GXYLT1: variants seen among roughly 807,000 people sequenced by gnomAD.
GXYLT1 encodes the protein glycosyltransferase 8 domain containing 3.
GXYLT1 carries 29 observed loss-of-function variants against 54.0 expected under a neutral mutation model. The observed-to-expected ratio is 0.54, with a 90% CI of 0.40 to 0.73. The LOEUF (loss-of-function observed/expected upper bound fraction) is 0.73. GXYLT1 is among the 30% of genes least tolerant of loss of function. The pLI is 0.00. For missense variants in GXYLT1, 490 were observed against 553.4 expected (o/e 0.89, Z 1.15); for synonymous variants, 176 against 204.1 (o/e 0.86, Z 1.17).
chr12:42,092,945 T>C (rs1163687145), intron 7 of GXYLT1, among the ~76,000 whole-genome samples: 2 of 152,210 alleles, frequency 1.3e-5, no homozygotes, highest in African/African-American at 2.4e-5. Flanking sequence ...CATCCTGGGC[T>C]GCATGCGGCC....
intron 1 of GXYLT1, among the ~76,000 whole-genome samples, chr12:42,131,789 C>T (rs1350970737): frequency 6.6e-6 from 1 of 152,180 alleles, no homozygotes; most frequent in East Asian, 1.9e-4. Flanking sequence ...ATGGTAATAA[C>T]AACTAACAGA....
At chr12:42,110,537 T>C (rs1217506943) in intron 3 of GXYLT1, among the ~76,000 whole-genome samples, 1 of 152,208 alleles carries the variant, frequency 6.6e-6, no homozygotes, top group Admixed American at 6.5e-5. Context: ...TTGGTGTCTC[T>C]GATTATTTTA....
chr12:42,143,032 C>T (rs1406015558), intron 1 of GXYLT1, among the ~76,000 whole-genome samples: 2 of 151,918 alleles, frequency 1.3e-5, no homozygotes, highest in Admixed American at 6.6e-5. Flanking sequence ...AGGCTATTTT[C>T]GAAAATTTCA....
chr12:42,119,272 G>A (rs889303767), intron 2 of GXYLT1, 101 bp from the exon 3 acceptor site: 1 of 937,198 alleles, frequency 1.1e-6, no homozygotes, highest in Non-Finnish European at 1.7e-6. Context: ...CAGATGTTGT[G>A]ACTCATGCCT....
rs569643344 is a variant in GXYLT1 at position 42,113,362 on chromosome 12, T to C, written c.487-3671A>G. The stretch of plus-strand genomic sequence containing the variant: ...AAATTGGATAAAGAGTCAAGACCCA[T>C]CAGTGTGCTGTATTCAGGAAACCCA... On this transcript the variant is annotated intron_variant, in intron 3 of 7. Transcript: ENST00000398675. Among the ~76,000 whole-genome samples, 23 of 151,154 alleles carry C rather than the reference T, an allele frequency of 1.5e-4. No individual in the cohort carries two copies. In the South Asian group the frequency reaches 4.4e-3, roughly 29 times the overall value.
intron 5 of GXYLT1, among the ~76,000 whole-genome samples, chr12:42,098,782 T>TATATATATATATAA (rs1374482799): frequency 7.2e-6 from 1 of 138,246 alleles, no homozygotes; most frequent in South Asian, 2.3e-4. Flanking sequence ...TATATATATA[T>TATATATATATATAA]ATAATACATG....
intron 1 of GXYLT1, among the ~76,000 whole-genome samples, chr12:42,135,582 G>C (rs1473260400): frequency 6.6e-6 from 1 of 151,502 alleles, no homozygotes; most frequent in Non-Finnish European, 1.5e-5. Context: ...ACCAAATAAT[G>C]AGCAAAATGT....
At chr12:42,116,899 C>A (rs1370150120) in intron 3 of GXYLT1, among the ~76,000 whole-genome samples, 1 of 152,046 alleles carries the variant, frequency 6.6e-6, no homozygotes, top group Non-Finnish European at 1.5e-5. Flanking sequence ...CAATGATAGA[C>A]TGGATTAAGA....
chr12:42,109,600 A>C lies in GXYLT1; in HGVS notation c.578T>G (p.Phe193Cys). The change falls in exon 4 of 8, where the codon TTT (phenylalanine) becomes TGT (cysteine). Residue 193 changes from phenylalanine to cysteine, a missense_variant. By Grantham distance (205) the Phe-to-Cys change is radical. This residue lies in a region of GXYLT1 where 342 missense variants were observed against 342.6 expected (regional missense o/e 1.00). Transcript: ENST00000398675. ...SENAAEWKKL[F>C]KPCASQRLFL... ...CAATCTCTGCGAAGCACATGGTTTAAAGAGTTTTTTCCACTCTGCTGCATT... is the reference window on the plus strand; with the variant it reads ...CAATCTCTGCGAAGCACATGGTTTACAGAGTTTTTTCCACTCTGCTGCATT... 1 of 1,595,626 alleles carries C rather than the reference A, an allele frequency of 6.3e-7. No homozygotes were observed. The highest frequency in any genetic ancestry group is 8.5e-7 in the Non-Finnish European group (1 of 1,172,344).
At chr12:42,088,099 T>G (rs190720828) in intron 7 of GXYLT1, 152 bp from the exon 8 acceptor site, 148 of 459,626 alleles carry the variant, frequency 3.2e-4, no homozygotes, top group African/African-American at 2.9e-3. Flanking sequence ...ATATTTTCAA[T>G]AAATTAAACA....
At chr12:42,123,281 T>C (rs975719598) in intron 2 of GXYLT1, among the ~76,000 whole-genome samples, 3 of 152,200 alleles carry the variant, frequency 2.0e-5, no homozygotes, top group Admixed American at 1.3e-4. Context: ...TATGGCTGTA[T>C]TAAAGTATGT....
At position 42,144,682 on chromosome 12, in the gene GXYLT1, G is replaced by GCCGCCGCCGCCGCCA; in HGVS notation, c.-37_-36insTGGCGGCGGCGGCGG. Reference sequence around the variant, plus strand: ...GCGCTCCTCCTTCGCCGCCGCCGCCGCGCCCGCCCCGACGAACTGGAGCGG... The same window carrying GCCGCCGCCGCCGCCA: ...GCGCTCCTCCTTCGCCGCCGCCGCCGCCGCCGCCGCCGCCACGCCCGCCCCGACGAACTGGAGCGG... On this transcript the variant is annotated 5_prime_UTR_variant, in exon 1 of 8. Coordinates refer to ENST00000398675, the MANE Select transcript of GXYLT1 (RefSeq NM_173601.2). 1 of 1,371,648 alleles carries GCCGCCGCCGCCGCCA rather than the reference G, an allele frequency of 7.3e-7. No individual in the cohort carries two copies. The highest frequency in any genetic ancestry group is 9.5e-7 in the Non-Finnish European group (1 of 1,052,310). 85.0% of individuals were successfully genotyped at this position (1,371,648 alleles called of 1,614,324 possible).
At chr12:42,114,457 A>G (rs1255076265) in intron 3 of GXYLT1, among the ~76,000 whole-genome samples, 5 of 152,174 alleles carry the variant, frequency 3.3e-5, no homozygotes, top group African/African-American at 7.2e-5. Context: ...TATCACCACC[A>G]ATCCCACAGA....
chr12:42,096,491 C>A (rs1796938781), intron 7 of GXYLT1, among the ~76,000 whole-genome samples: 1 of 152,104 alleles, frequency 6.6e-6, no homozygotes, highest in Non-Finnish European at 1.5e-5. Context: ...AATTATAAAT[C>A]ATTGGAGGAA....
intron 3 of GXYLT1, among the ~76,000 whole-genome samples, chr12:42,111,804 G>A (rs1241667738): frequency 4.6e-5 from 7 of 152,300 alleles, no homozygotes; most frequent in Admixed American, 2.0e-4. Flanking sequence ...CTCCCAGCAC[G>A]CAGCTTCAGA....
At chr12:42,088,299 G>T (rs148713211) in intron 7 of GXYLT1, among the ~76,000 whole-genome samples, 2 of 151,844 alleles carry the variant, frequency 1.3e-5, no homozygotes, top group African/African-American at 2.4e-5. Flanking sequence ...CCACACCCGC[G>T]TCCCACCTTT....
chr12:42,088,875 G>A (rs1393216883), intron 7 of GXYLT1, among the ~76,000 whole-genome samples: 1 of 41,112 alleles, frequency 2.4e-5, no homozygotes, highest in Non-Finnish European at 6.4e-5. Context: ...CGCTGAGGGA[G>A]AGGAAATGAA....
At chr12:42,097,736 G>C in intron 6 of GXYLT1, 122 bp from the exon 7 acceptor site, 2 of 1,076,026 alleles carry the variant, frequency 1.9e-6, no homozygotes, top group Non-Finnish European at 2.7e-6. Flanking sequence ...AAAATGTCTG[G>C]CATTTAGATC....
At chr12:42,129,929 C>T (rs2065585051) in intron 1 of GXYLT1, 78 bp from the exon 2 acceptor site, 4 of 825,780 alleles carry the variant, frequency 4.8e-6, no homozygotes, top group East Asian at 5.1e-5. Flanking sequence ...CTCAGTAACA[C>T]GATAACTTAC....
Sources: gnomAD v4.1 joint callset for allele counts (sites outside exome capture counted in the v4.1 genomes callset) on GRCh38, gnomAD v4.1.1 for gene constraint, gnomAD v4.1.1 regional missense constraint, MANE v1.5 for transcripts, NCBI Gene and HGNC (gene_info 2026-07-23, HGNC 2026-07-21) for gene names.